The following ALKBH3 variants were observed in gnomAD, a reference collection of about 807,000 sequenced individuals.
ALKBH3 encodes alpha-ketoglutarate-dependent dioxygenase alkB homolog 3.
In ALKBH3, 51 loss-of-function variants were observed where a neutral mutation model predicts 43.9. The ratio of observed to expected loss-of-function variants is 1.16; its 90% CI spans 0.93 to 1.47. The LOEUF is 1.47. Ranked by LOEUF, ALKBH3 falls within the 40% of genes most tolerant of loss-of-function variation. The pLI is 0.00. For synonymous variants in ALKBH3, 102 were observed against 115.2 expected, an observed-to-expected ratio of 0.89 and a Z score of 0.73; for missense variants, 361 against 351.9, an observed-to-expected ratio of 1.03 and a Z score of -0.21.
At position 43,883,072 on chromosome 11, in the gene ALKBH3, T is replaced by C. The variant is rs1203453476; in HGVS notation, c.80-13T>C. On this transcript the variant is annotated splice_polypyrimidine_tract_variant and intron_variant, in intron 2 of 9. Transcript: ENST00000302708. ...TTTCCCCTGGTTTGAGGCTGTCCCC[T>C]CTCTTGCTTCAGCTACCACTGCTAA... 1.2e-6 allele frequency: 2 copies of C among 1,611,188 alleles called. No individual in the cohort carries two copies.
At chr11:43,908,158 T>A (rs902803195) in intron 8 of ALKBH3, among the ~76,000 whole-genome samples, 2 of 152,220 alleles carry the variant, frequency 1.3e-5, no homozygotes, top group African/African-American at 4.8e-5. Flanking sequence ...ACCTTCCACC[T>A]GAGAGGGTTT....
At chr11:43,887,741 G>A (rs918880839) in intron 5 of ALKBH3, among the ~76,000 whole-genome samples, 1 of 151,908 alleles carries the variant, frequency 6.6e-6, no homozygotes, top group African/African-American at 2.4e-5. Context: ...AGATTATTGT[G>A]TATAATGTTA....
At chr11:43,895,309 G>A (rs1165306094) in intron 7 of ALKBH3, among the ~76,000 whole-genome samples, 1 of 152,150 alleles carries the variant, frequency 6.6e-6, no homozygotes, top group Non-Finnish European at 1.5e-5. Flanking sequence ...TGAATCATGG[G>A]GGCATTTTCC....
At position 43,919,100 on chromosome 11, in the gene ALKBH3, G is replaced by A; in HGVS notation, c.732G>A (p.Leu244=). The part of the protein sequence containing the change: ...RVKIPLDHGT[L]LIMEGATQAD... ...AGATACCCTTGGATCATGGGACCTT[G>A]TTAATCATGGAAGGAGCGACACAAG... The change falls in exon 9 of 10, where the codon TTG becomes TTA. Residue 244 remains leucine (L), a synonymous_variant. Coordinates refer to ENST00000302708, the MANE Select transcript of ALKBH3 (RefSeq NM_139178.4). The A allele has an allele frequency of 6.2e-7, 1 of 1,613,456 alleles. No individual in the cohort carries two copies. The highest frequency in any genetic ancestry group is 1.1e-5 in the South Asian group (1 of 91,070).
intron 7 of ALKBH3, chr11:43,898,879 A>G (rs1951840133): frequency 1.3e-6 from 1 of 758,168 alleles, no homozygotes; most frequent in Admixed American, 1.8e-5. Flanking sequence ...ATTATTTCAG[A>G]TTTCCTGAGT....
chr11:43,886,723 C>T (rs371164214), intron 5 of ALKBH3, 70 bp downstream of exon 5: 13 of 1,473,920 alleles, frequency 8.8e-6, no homozygotes, highest in African/African-American at 7.0e-5. Flanking sequence ...AGTTTACTCC[C>T]CTAGAGAAAG....
At chr11:43,883,246 C>T in intron 3 of ALKBH3, 58 bp downstream of exon 3, 1 of 1,241,954 alleles carries the variant, frequency 8.1e-7, no homozygotes, top group Non-Finnish European at 1.2e-6. Flanking sequence ...AAGTGATATT[C>T]ACACAGTAGA....
intron 8 of ALKBH3, among the ~76,000 whole-genome samples, chr11:43,908,707 C>G (rs540767707): frequency 1.7e-3 from 253 of 152,258 alleles, no homozygotes; most frequent in African/African-American, 5.7e-3. Context: ...ACTTCTTACC[C>G]CCACCCTATC....
intron 8 of ALKBH3, among the ~76,000 whole-genome samples, chr11:43,907,246 C>T (rs144856101): frequency 2.1e-3 from 322 of 151,792 alleles, no homozygotes; most frequent in Non-Finnish European, 3.8e-3. Flanking sequence ...TGTGTTTAAG[C>T]AGATAAAGAT....
intron 7 of ALKBH3, chr11:43,899,191 T>C: frequency 2.6e-6 from 2 of 769,036 alleles, no homozygotes; most frequent in East Asian, 2.5e-5. Flanking sequence ...GTGGGAACAA[T>C]GTGCAGCTCA....
chr11:43,886,449 C>G (rs1436491541), intron 4 of ALKBH3, among the ~76,000 whole-genome samples, 157 bp from the exon 5 acceptor site: 1 of 152,188 alleles, frequency 6.6e-6, no homozygotes, highest in African/African-American at 2.4e-5. Context: ...ATACCATGAT[C>G]TTCTCAGTGG....
chr11:43,887,874 C>T (rs1343428373), intron 5 of ALKBH3, among the ~76,000 whole-genome samples: 2 of 151,464 alleles, frequency 1.3e-5, no homozygotes, highest in Admixed American at 6.6e-5. Flanking sequence ...CTGCAAGCTC[C>T]GCCTCCAGGG....
chr11:43,885,998 G>C (rs1169926320), intron 4 of ALKBH3, among the ~76,000 whole-genome samples: 1 of 152,194 alleles, frequency 6.6e-6, no homozygotes, highest in African/African-American at 2.4e-5. Context: ...GGGTGATGGG[G>C]TGGCATTTCA....
chr11:43,886,680 C>T (rs7101434), intron 5 of ALKBH3, 27 bp downstream of exon 5: 127,931 of 1,604,358 alleles, frequency 0.08, 7,080 homozygotes, highest in African/African-American at 0.28. Context: ...AAGAAGTGAC[C>T]GTAATTATCA....
chr11:43,898,171 C>A, intron 7 of ALKBH3: 1 of 1,232,922 alleles, frequency 8.1e-7, no homozygotes, highest in Non-Finnish European at 1.2e-6. Flanking sequence ...CAAGAGATAC[C>A]TGGGCGATTT....
Position 43,901,687 on chromosome 11 carries a change from G to A in ALKBH3, c.631G>A (p.Ala211Thr). Reference protein sequence around the residue: ...CPIIASLSFGATRTFEMRKKP... With the variant: ...CPIIASLSFGTTRTFEMRKKP... ...CATTATTGCTTCACTAAGTTTTGGT[G>A]CCACACGCACATTTGAGATGAGAAA... Residue 211 changes from alanine to threonine, a missense_variant, in exon 8 of 10, where the codon GCC becomes ACC. Physicochemically the swap from Ala to Thr is moderately conservative, Grantham distance 58. Coordinates refer to ENST00000302708, the MANE Select transcript of ALKBH3 (RefSeq NM_139178.4). 6.2e-7 allele frequency: 1 copy of A among 1,614,250 alleles called. No individual in the cohort carries two copies. The highest frequency in any genetic ancestry group is 8.5e-7 in the Non-Finnish European group (1 of 1,180,050).
chr11:43,907,214 T>C (rs1051341019), intron 8 of ALKBH3, among the ~76,000 whole-genome samples: 3 of 149,676 alleles, frequency 2.0e-5, no homozygotes, highest in Non-Finnish European at 3.0e-5. Context: ...AGAGAGAGAG[T>C]GTGTGTGTGT....
At chr11:43,913,778 A>G (rs1951960253) in intron 8 of ALKBH3, among the ~76,000 whole-genome samples, 1 of 152,252 alleles carries the variant, frequency 6.6e-6, no homozygotes, top group Non-Finnish European at 1.5e-5. Flanking sequence ...CAGTCATGTC[A>G]TGGACCTATC....
At chr11:43,911,955 T>A (rs1951942495) in intron 8 of ALKBH3, among the ~76,000 whole-genome samples, 1 of 152,042 alleles carries the variant, frequency 6.6e-6, no homozygotes, top group Non-Finnish European at 1.5e-5. Flanking sequence ...ACCCCGTCTC[T>A]ACTAAAAATA....
Sources: allele counts gnomAD v4.1 joint callset (sites outside exome capture counted in the v4.1 genomes callset), GRCh38; gene constraint gnomAD v4.1.1; transcripts MANE v1.5; gene names NCBI Gene and HGNC (gene_info 2026-07-23, HGNC 2026-07-21).